Variants in TASP1 observed in about 807,000 individuals in gnomAD.
TASP1 encodes taspase 1, also known as threonine aspartase 1.
Under a neutral mutation model 56.6 loss-of-function variants are expected in TASP1, and 16 were observed. That is an observed-to-expected ratio of 0.28 (90% CI 0.19 to 0.43). The LOEUF is 0.43. TASP1 is among the 20% of genes least tolerant of loss of function. The probability of loss-of-function intolerance (pLI) is 1.00; values close to 1 mark genes in which losing one functional copy is unlikely to be tolerated. For missense variants in TASP1, 393 were observed against 511.6 expected (o/e 0.77, Z 2.24); for synonymous variants, 179 against 184.2 (o/e 0.97, Z 0.23).
At chr20:13,571,689 C>T (rs1211299876) in intron 6 of TASP1, among the ~76,000 whole-genome samples, 1 of 152,186 alleles carries the variant, frequency 6.6e-6, no homozygotes, top group Non-Finnish European at 1.5e-5. Flanking sequence ...AATGGCACTC[C>T]TCTTTCAAAA....
chr20:13,308,330 T>C, the TASP1 span, among the ~76,000 whole-genome samples: 1 of 152,198 alleles, frequency 6.6e-6, no homozygotes, highest in Non-Finnish European at 1.5e-5. Flanking sequence ...TGATTAATTA[T>C]GGCAGTAATA....
At chr20:13,529,398 A>T (rs563740942) in intron 9 of TASP1, among the ~76,000 whole-genome samples, 16 of 152,316 alleles carry the variant, frequency 1.1e-4, no homozygotes, top group African/African-American at 3.4e-4. Flanking sequence ...TAAAATTTTT[A>T]AAAAACCTAG....
rs534759927 is a variant in TASP1 at position 13,614,886 on chromosome 20, GAA to G, written c.282+8558_282+8559del. 727 of 458,736 alleles carry G rather than the reference GAA, an allele frequency of 1.6e-3. 12 individuals are homozygous for G. Among genetic ancestry groups the G allele is most frequent in the South Asian group, 0.012 (713 of 61,076 alleles). 28.4% of individuals were successfully genotyped at this position (458,736 alleles called of 1,614,324 possible). A position where few individuals can be genotyped will look rare whatever the true frequency, so the allele number is the denominator to read the frequency against. ...TGTCCTTTCCACATGAGCTAAAACA[GAA>G]AAGACAAATGTAGCTGTTTCTCCAG... On this transcript the variant is annotated intron_variant, in intron 4 of 13. Coordinates refer to ENST00000337743, the MANE Select transcript of TASP1 (RefSeq NM_017714.3).
At chr20:13,288,791 C>A in the TASP1 span, 1 of 965,730 alleles carries the variant, frequency 1.0e-6, no homozygotes, top group South Asian at 1.9e-5. Context: ...CTTTTCTTTT[C>A]TTTTTTTTTT....
At chr20:13,634,602 C>CAT in intron 1 of TASP1, among the ~76,000 whole-genome samples, 1 of 151,906 alleles carries the variant, frequency 6.6e-6, no homozygotes, top group East Asian at 1.9e-4. Flanking sequence ...CGGTGGCGAG[C>CAT]GCCTGTAATC....
chr20:13,141,446 T>C, the TASP1 span, among the ~76,000 whole-genome samples: 163 of 152,346 alleles, frequency 1.1e-3, 1 homozygote, highest in Middle Eastern at 3.4e-3. Flanking sequence ...GTGTCTACCT[T>C]GGAAGAGTGT....
intron 11 of TASP1, among the ~76,000 whole-genome samples, chr20:13,454,301 A>C (rs2043745210): frequency 6.6e-6 from 1 of 152,122 alleles, no homozygotes; most frequent in South Asian, 2.1e-4. Flanking sequence ...GATAGTTGTC[A>C]AGAGAAGAGG....
the TASP1 span, among the ~76,000 whole-genome samples, chr20:13,155,820 C>T: frequency 9.2e-5 from 14 of 152,128 alleles, no homozygotes; most frequent in East Asian, 5.8e-4. Context: ...AGCAAGACTC[C>T]GTCTAAAAAA....
chr20:13,343,504 T>C, the TASP1 span, among the ~76,000 whole-genome samples: 2 of 152,200 alleles, frequency 1.3e-5, no homozygotes, highest in Non-Finnish European at 2.9e-5. Flanking sequence ...CCACTTCCTT[T>C]CTATGCGTTT....
chr20:13,311,247 A>AGATAGATAGATAGATAGAT, the TASP1 span, among the ~76,000 whole-genome samples: 334 of 116,238 alleles, frequency 2.9e-3, no homozygotes, highest in African/African-American at 5.2e-3. Context: ...GATAGATGAT[A>AGATAGATAGATAGATAGAT]GATAGATAGA....
the TASP1 span, among the ~76,000 whole-genome samples, chr20:13,323,347 CAAGA>C: frequency 6.6e-6 from 1 of 152,084 alleles, no homozygotes; most frequent in Non-Finnish European, 1.5e-5. Context: ...CGGAGCAAGG[CAAGA>C]AAGTTGGAAT....
intron 1 of TASP1, among the ~76,000 whole-genome samples, chr20:13,633,231 A>C (rs370140792): frequency 1.2e-4 from 18 of 152,292 alleles, no homozygotes; most frequent in Non-Finnish European, 1.9e-4. Flanking sequence ...GAAATAACTA[A>C]TTTTTTAAGG....
At chr20:13,475,801 C>G (rs371675029) in intron 11 of TASP1, among the ~76,000 whole-genome samples, 5 of 148,982 alleles carry the variant, frequency 3.4e-5, no homozygotes, top group South Asian at 2.1e-4. Flanking sequence ...GAGGCTGAGG[C>G]AGGAGAATCA....
chr20:13,519,574 C>T (rs1461261114), intron 10 of TASP1, among the ~76,000 whole-genome samples: 1 of 152,120 alleles, frequency 6.6e-6, no homozygotes, highest in Non-Finnish European at 1.5e-5. Flanking sequence ...TTCAACAACC[C>T]TTCATGCTAA....
chr20:13,336,540 T>C, the TASP1 span, among the ~76,000 whole-genome samples: 40 of 152,238 alleles, frequency 2.6e-4, no homozygotes, highest in African/African-American at 9.1e-4. Context: ...AGGTCTACAC[T>C]CACCCCTCAA....
At chr20:13,486,512 T>C (rs1393183806) in intron 10 of TASP1, among the ~76,000 whole-genome samples, 1 of 152,126 alleles carries the variant, frequency 6.6e-6, no homozygotes, top group Non-Finnish European at 1.5e-5. Flanking sequence ...TTCTGAAAAT[T>C]GATAAAAGAA....
At chr20:13,314,607 G>A in the TASP1 span, among the ~76,000 whole-genome samples, 2 of 152,052 alleles carry the variant, frequency 1.3e-5, no homozygotes, top group African/African-American at 4.8e-5. Flanking sequence ...CAGTAGAAGT[G>A]CCTTGCAAGA....
At chr20:13,549,571 G>C (rs887769040) in intron 8 of TASP1, among the ~76,000 whole-genome samples, 1 of 152,048 alleles carries the variant, frequency 6.6e-6, no homozygotes, top group Non-Finnish European at 1.5e-5. Flanking sequence ...TATGGTGATA[G>C]CATATGATAT....
the TASP1 span, among the ~76,000 whole-genome samples, chr20:13,376,155 C>T: frequency 6.6e-6 from 1 of 152,148 alleles, no homozygotes; most frequent in Non-Finnish European, 1.5e-5. Flanking sequence ...TTGCCCATGC[C>T]TGTGTCCTGA....
Sources: allele counts gnomAD v4.1 joint callset (sites outside exome capture counted in the v4.1 genomes callset), GRCh38; gene constraint gnomAD v4.1.1; transcripts MANE v1.5; gene names NCBI Gene and HGNC (gene_info 2026-07-23, HGNC 2026-07-21).